Variants in WDR47 observed in about 807,000 individuals in gnomAD.
WDR47 encodes the protein WD repeat domain 47.
WDR47 carries 32 observed loss-of-function variants against 97.2 expected under a neutral mutation model. The observed-to-expected ratio is 0.33, with a 90% CI of 0.25 to 0.44. WDR47 has a LOEUF of 0.44. Among genes scored for constraint, WDR47 ranks in the 20% least tolerant of loss-of-function variants. The pLI is 1.00. For synonymous variants in WDR47, 375 were observed against 373.5 expected (o/e 1.00, Z -0.05); for missense variants, 782 against 1,102.3 (o/e 0.71, Z 4.11).
At chr1:108,999,565 G>A (rs190332832) in intron 7 of WDR47, among the ~76,000 whole-genome samples, 109 of 151,876 alleles carry the variant, frequency 7.2e-4, no homozygotes, top group African/African-American at 2.5e-3. Flanking sequence ...TTAGCTGCTT[G>A]TGGTGGCTGG....
At chr1:109,015,048 CA>C (rs202223668) in intron 3 of WDR47, among the ~76,000 whole-genome samples, 1 of 151,128 alleles carries the variant, frequency 6.6e-6, no homozygotes, top group African/African-American at 2.4e-5. Flanking sequence ...GGAAAGTTAA[CA>C]AAAAAAAGAC....
intron 9 of WDR47, 50 bp from the exon 10 acceptor site, chr1:108,986,730 A>G (rs1658856155): frequency 6.4e-6 from 9 of 1,406,054 alleles, no homozygotes; most frequent in Non-Finnish European, 6.7e-6. Context: ...TGAATTTGAA[A>G]GAATTCATCT....
At chr1:109,008,508 C>T (rs1343837163) in intron 5 of WDR47, among the ~76,000 whole-genome samples, 1 of 152,090 alleles carries the variant, frequency 6.6e-6, no homozygotes, top group Non-Finnish European at 1.5e-5. Flanking sequence ...GGTGATCCAC[C>T]CACCTCGGCT....
intron 2 of WDR47, among the ~76,000 whole-genome samples, chr1:109,020,886 A>T (rs1204045257): frequency 4.2e-5 from 6 of 142,536 alleles, no homozygotes; most frequent in African/African-American, 7.8e-5. Context: ...GGAACACTTC[A>T]TTTTTTTTTT....
At chr1:109,037,095 C>T (rs963259261) in intron 1 of WDR47, among the ~76,000 whole-genome samples, 4 of 152,022 alleles carry the variant, frequency 2.6e-5, no homozygotes, top group Admixed American at 2.6e-4. Context: ...TTTGGGAGGC[C>T]GAGGCAGGCA....
intron 3 of WDR47, among the ~76,000 whole-genome samples, chr1:109,014,632 A>C (rs1391621557): frequency 6.6e-6 from 1 of 151,812 alleles, no homozygotes; most frequent in African/African-American, 2.4e-5. Flanking sequence ...ACCGGGTCTC[A>C]CTTTGTTGCT....
intron 4 of WDR47, 25 bp from the exon 5 acceptor site, chr1:109,011,743 A>G (rs775652729): frequency 1.3e-6 from 2 of 1,546,108 alleles, no homozygotes; most frequent in South Asian, 1.2e-5. Flanking sequence ...TAAATGATCA[A>G]ATAATCACTA....
At position 108,970,935 on chromosome 1, in the gene WDR47, G is replaced by A. The variant is rs1657403320; in HGVS notation, c.*495C>T. On this transcript the variant is annotated 3_prime_UTR_variant, in exon 15 of 15. Transcript: ENST00000369962. ...TGAGTGACATATATTATGGAATTCT[G>A]ACCTCTAGAAGACAAGTGATAATAC... The A allele has an allele frequency of 6.5e-6, 1 of 152,812 alleles. No homozygotes were observed. 9.5% of individuals were successfully genotyped at this position (152,812 alleles called of 1,614,324 possible). A position where few individuals can be genotyped will look rare whatever the true frequency, so the allele number is the denominator to read the frequency against.
chr1:109,028,821 T>C (rs534653331), intron 1 of WDR47, among the ~76,000 whole-genome samples: 1 of 152,258 alleles, frequency 6.6e-6, no homozygotes, highest in South Asian at 2.1e-4. Context: ...TAATAATACA[T>C]ATATAATTTA....
intron 6 of WDR47, 146 bp from the exon 7 acceptor site, chr1:109,002,548 A>C (rs922415032): frequency 4.1e-5 from 29 of 708,632 alleles, no homozygotes; most frequent in Non-Finnish European, 5.5e-5. Flanking sequence ...TCTTTGAAAA[A>C]CAGTATGTGT....
At chr1:109,020,276 G>A (rs1236659597) in intron 2 of WDR47, among the ~76,000 whole-genome samples, 7 of 147,388 alleles carry the variant, frequency 4.7e-5, no homozygotes, top group Non-Finnish European at 7.4e-5. Context: ...TTGCTCTGTC[G>A]CCCAGGCTGG....
At chr1:109,041,362 A>C (rs1364270331) in intron 1 of WDR47, among the ~76,000 whole-genome samples, 1 of 152,158 alleles carries the variant, frequency 6.6e-6, no homozygotes, top group Non-Finnish European at 1.5e-5. Flanking sequence ...GAAAGGCCAA[A>C]ACCGGCCCCA....
intron 12 of WDR47, among the ~76,000 whole-genome samples, chr1:108,982,090 A>G (rs1437038093): frequency 6.6e-6 from 1 of 151,922 alleles, no homozygotes; most frequent in Non-Finnish European, 1.5e-5. Flanking sequence ...CCTGTATCTG[A>G]AAAAAAAGAA....
chr1:109,011,842 G>T, intron 4 of WDR47, 124 bp from the exon 5 acceptor site: 1 of 879,542 alleles, frequency 1.1e-6, no homozygotes, highest in Non-Finnish European at 1.7e-6. Context: ...TGTAGGATAT[G>T]CAACAGCTTT....
At chr1:109,007,424 G>C (rs1459212370) in intron 5 of WDR47, among the ~76,000 whole-genome samples, 1 of 151,976 alleles carries the variant, frequency 6.6e-6, no homozygotes, top group South Asian at 2.1e-4. Context: ...GCCTCCCAAA[G>C]TGCTGGGATT....
At position 109,011,078 on chromosome 1, in the gene WDR47, C is replaced by G; in HGVS notation, c.968G>C (p.Gly323Ala). The G allele has an allele frequency of 1.2e-6, 2 of 1,614,034 alleles. No individual in the cohort carries two copies. Among genetic ancestry groups the G allele is most frequent in the Non-Finnish European group, 1.7e-6 (2 of 1,180,026 alleles). Residue 323 changes from glycine (G) to alanine (A), a missense_variant, in exon 5 of 15, where the codon GGA (glycine) becomes GCA (alanine). Coordinates refer to ENST00000369962, the MANE Select transcript of WDR47 (RefSeq NM_001142551.2). ...LNPALDGLTCGLTSHDKRISD... is the reference protein window; with the variant it reads ...LNPALDGLTCALTSHDKRISD... ...AATTCTCTTATCATGACTGGTTAGT[C>G]CACAGGTGAGGCCATCTAAAGCAGG...
At chr1:108,991,093 A>G (rs1659311507) in intron 9 of WDR47, among the ~76,000 whole-genome samples, 161 bp downstream of exon 9, 1 of 151,856 alleles carries the variant, frequency 6.6e-6, no homozygotes, top group South Asian at 2.1e-4. Flanking sequence ...GTACTCTACA[A>G]TCTCAAACTT....
chr1:109,019,149 G>A (rs548614493), intron 2 of WDR47, among the ~76,000 whole-genome samples: 4 of 151,684 alleles, frequency 2.6e-5, no homozygotes, highest in East Asian at 2.0e-4. Context: ...TTTGGAGGCC[G>A]AGGCAGACAG....
At chr1:109,000,508 C>CAAAAA (rs71069634) in intron 7 of WDR47, among the ~76,000 whole-genome samples, 13 of 70,498 alleles carry the variant, frequency 1.8e-4, no homozygotes, top group Non-Finnish European at 3.1e-4. Context: ...GACTCTGTCT[C>CAAAAA]AAAAAAAAAA....
Sources: allele counts gnomAD v4.1 joint callset (sites outside exome capture counted in the v4.1 genomes callset), GRCh38; gene constraint gnomAD v4.1.1; transcripts MANE v1.5; gene names NCBI Gene and HGNC (gene_info 2026-07-23, HGNC 2026-07-21).